Variants in ANKRD22 observed in about 807,000 individuals in gnomAD.
ANKRD22 encodes the protein ankyrin repeat domain-containing protein 22.
ANKRD22 carries 24 observed loss-of-function variants against 25.7 expected under a neutral mutation model. The ratio of observed to expected loss-of-function variants is 0.93; its 90% CI spans 0.68 to 1.31. The LOEUF (loss-of-function observed/expected upper bound fraction) is 1.31, where lower values mean the gene tolerates loss of function less well. Ranked by LOEUF, ANKRD22 falls within the 50% of genes most tolerant of loss-of-function variation. ANKRD22 has a pLI of 0.00. For synonymous variants in ANKRD22, 84 were observed against 84.3 expected, an observed-to-expected ratio of 1.00 and a Z score of 0.02; for missense variants, 214 against 227.1, an observed-to-expected ratio of 0.94 and a Z score of 0.37.
Position 88,851,828 on chromosome 10 carries a change from G to A in ANKRD22, c.-221C>T. 1 of 564,724 alleles carries A rather than the reference G, an allele frequency of 1.8e-6. No homozygotes were observed. Among genetic ancestry groups the A allele is most frequent in the South Asian group, 2.1e-5 (1 of 47,058 alleles). 35.0% of individuals were successfully genotyped at this position (564,724 alleles called of 1,614,324 possible). On this transcript the variant is annotated 5_prime_UTR_variant, in exon 1 of 6. Coordinates refer to ENST00000371930, the MANE Select transcript of ANKRD22 (RefSeq NM_144590.3). ...GAGAGCCCAGCCCAATGAAACAAAGGCACTGGTGTCATGTGTAACGACCCA... is the reference window on the plus strand; with the variant it reads ...GAGAGCCCAGCCCAATGAAACAAAGACACTGGTGTCATGTGTAACGACCCA...
chr10:88,843,816 T>C (rs1179124845), intron 1 of ANKRD22, among the ~76,000 whole-genome samples: 2 of 152,146 alleles, frequency 1.3e-5, no homozygotes, highest in African/African-American at 4.8e-5. Context: ...CTTACATTCT[T>C]GTAACTCTCA....
rs995773160 is a variant in ANKRD22 at position 88,822,647 on chromosome 10, A to G, written c.*294T>C. The G allele has an allele frequency of 5.1e-6, 1 of 195,006 alleles. No individual in the cohort carries two copies. Among genetic ancestry groups the G allele is most frequent in the East Asian group, 1.5e-4 (1 of 6,752 alleles). 12.1% of individuals were successfully genotyped at this position (195,006 alleles called of 1,614,324 possible). On this transcript the variant is annotated 3_prime_UTR_variant, in exon 6 of 6. Transcript: ENST00000371930. The stretch of plus-strand genomic sequence containing the variant: ...ATCCTCCCACCTCAGCCTCCCAAGT[A>G]GCTGGGATTACAGGCATGTACCACT...
At chr10:88,846,482 G>A (rs1398230035) in intron 1 of ANKRD22, among the ~76,000 whole-genome samples, 1 of 152,134 alleles carries the variant, frequency 6.6e-6, no homozygotes. Flanking sequence ...TGAAGAATAA[G>A]CATAAAAGTT....
intron 1 of ANKRD22, among the ~76,000 whole-genome samples, chr10:88,844,042 T>C (rs987815502): frequency 6.6e-6 from 1 of 152,132 alleles, no homozygotes. Context: ...AGAGAATACA[T>C]AAAGAATGAC....
intron 1 of ANKRD22, among the ~76,000 whole-genome samples, chr10:88,846,397 A>C (rs1265779504): frequency 6.6e-6 from 1 of 152,206 alleles, no homozygotes; most frequent in Non-Finnish European, 1.5e-5. Context: ...CACCATTCTC[A>C]CATGGCTAAA....
At chr10:88,845,813 C>T (rs952296875) in intron 1 of ANKRD22, among the ~76,000 whole-genome samples, 1 of 152,098 alleles carries the variant, frequency 6.6e-6, no homozygotes, top group African/African-American at 2.4e-5. Flanking sequence ...CCAGAGTGGC[C>T]TTTTTAAACC....
At chr10:88,834,068 A>G (rs1349321785) in intron 1 of ANKRD22, among the ~76,000 whole-genome samples, 1 of 152,194 alleles carries the variant, frequency 6.6e-6, no homozygotes, top group Non-Finnish European at 1.5e-5. Flanking sequence ...CAACCAACAA[A>G]TCTTCCACAT....
intron 1 of ANKRD22, among the ~76,000 whole-genome samples, chr10:88,848,058 T>G (rs1844067971): frequency 6.6e-6 from 1 of 151,750 alleles, no homozygotes; most frequent in Non-Finnish European, 1.5e-5. Flanking sequence ...GTAGGAAATT[T>G]TCTACTTGTT....
intron 1 of ANKRD22, among the ~76,000 whole-genome samples, chr10:88,848,933 A>G (rs1220858741): frequency 1.3e-5 from 2 of 152,048 alleles, no homozygotes; most frequent in African/African-American, 4.8e-5. Context: ...CTTTTTCTGT[A>G]GTAACATCAG....
chr10:88,820,536 T>C lies in ANKRD22; in HGVS notation c.*2405A>G. The C allele has an allele frequency of 1.3e-6, 2 of 1,535,430 alleles. No individual in the cohort carries two copies. Among genetic ancestry groups the C allele is most frequent in the South Asian group, 1.2e-5 (1 of 82,046 alleles). On this transcript the variant is annotated 3_prime_UTR_variant, in exon 6 of 6. Coordinates refer to ENST00000371930, the MANE Select transcript of ANKRD22 (RefSeq NM_144590.3). ...CACTGACGATCTTAGGACAACCTCCTGAGGGATGGGGCTAGGACCCATGAA... is the reference window on the plus strand; with the variant it reads ...CACTGACGATCTTAGGACAACCTCCCGAGGGATGGGGCTAGGACCCATGAA...
At chr10:88,825,956 A>AGCAACT (rs1843851787) in intron 4 of ANKRD22, 82 bp downstream of exon 4, 8 of 1,165,180 alleles carry the variant, frequency 6.9e-6, no homozygotes, top group Non-Finnish European at 8.5e-6. Context: ...AGGAAAATAA[A>AGCAACT]GCAACTGTAC....
In ANKRD22 at chr10:88,820,637, C is replaced by T. The variant is rs1254236817; in HGVS notation, c.*2304G>A. 1.1e-5 allele frequency: 9 copies of T among 811,754 alleles called. No homozygotes were observed. The highest frequency in any genetic ancestry group is 9.1e-5 in the Admixed American group (3 of 33,084). 50.3% of individuals were successfully genotyped at this position (811,754 alleles called of 1,614,324 possible). A position where few individuals can be genotyped will look rare whatever the true frequency, so the allele number is the denominator to read the frequency against. Reference sequence around the variant, plus strand: ...CACTTGGCACTAAATCCGACACTTACATTTACATTTTTTTTCTGTAAATTA... The same window carrying T: ...CACTTGGCACTAAATCCGACACTTATATTTACATTTTTTTTCTGTAAATTA... On this transcript the variant is annotated 3_prime_UTR_variant, in exon 6 of 6. Coordinates refer to ENST00000371930, the MANE Select transcript of ANKRD22 (RefSeq NM_144590.3).
intron 1 of ANKRD22, among the ~76,000 whole-genome samples, chr10:88,846,941 C>A (rs1844054521): frequency 6.6e-6 from 1 of 152,156 alleles, no homozygotes. Context: ...GATGTTTCGT[C>A]ACTACAAATA....
intron 1 of ANKRD22, among the ~76,000 whole-genome samples, chr10:88,844,986 A>G (rs555115920): frequency 2.0e-5 from 3 of 152,032 alleles, no homozygotes; most frequent in African/African-American, 7.2e-5. Context: ...CTTCTTAACA[A>G]TTATACATTC....
chr10:88,832,087 A>G lies in ANKRD22; in HGVS notation c.22-61T>C, dbSNP rs1164280999. 2.1e-6 allele frequency: 3 copies of G among 1,443,644 alleles called. No individual in the cohort carries two copies. The African/African-American group carries it at 4.3e-5, about 21-fold the overall frequency. 89.4% of individuals were successfully genotyped at this position (1,443,644 alleles called of 1,614,324 possible). A position where few individuals can be genotyped will look rare whatever the true frequency, so the allele number is the denominator to read the frequency against. ...CTGGCATAATTAAACCACAAAAACG[A>G]AAAAAAAGTCATAACCCAATACATT... On this transcript the variant is annotated intron_variant, in intron 1 of 5. Coordinates refer to ENST00000371930, the MANE Select transcript of ANKRD22 (RefSeq NM_144590.3).
intron 1 of ANKRD22, among the ~76,000 whole-genome samples, chr10:88,844,776 T>G (rs1844033186): frequency 6.6e-6 from 1 of 152,142 alleles, no homozygotes. Context: ...TGAAAATTAT[T>G]TGTTATTTCA....
intron 4 of ANKRD22, among the ~76,000 whole-genome samples, chr10:88,825,640 G>A (rs1242830064): frequency 6.6e-6 from 1 of 152,216 alleles, no homozygotes; most frequent in Non-Finnish European, 1.5e-5. Context: ...TTTTACCGAT[G>A]AGGACACTGA....
Position 88,822,543 on chromosome 10 carries a change from G to T in ANKRD22, c.*398C>A, listed in dbSNP as rs1308144301. ...GAAAGACTGAGTTTGGAACACCAGG[G>T]CTTTTTTTTTTTTTTTTTTTTTTGA... On this transcript the variant is annotated 3_prime_UTR_variant, in exon 6 of 6. Coordinates refer to ENST00000371930, the MANE Select transcript of ANKRD22 (RefSeq NM_144590.3). 5.1e-5 allele frequency: 1 copy of T among 19,724 alleles called. No individual in the cohort carries two copies. Among genetic ancestry groups the T allele is most frequent in the Non-Finnish European group, 8.0e-5 (1 of 12,578 alleles). The allele number at this position is 19,724 out of a possible 1,614,324, so 1.2% of individuals were successfully genotyped here.
intron 1 of ANKRD22, among the ~76,000 whole-genome samples, chr10:88,839,869 T>C (rs952482688): frequency 6.6e-6 from 1 of 152,130 alleles, no homozygotes; most frequent in Non-Finnish European, 1.5e-5. Flanking sequence ...ACCAACTTAA[T>C]GTTTAAAACA....
Sources: allele counts gnomAD v4.1 joint callset (sites outside exome capture counted in the v4.1 genomes callset), GRCh38; gene constraint gnomAD v4.1.1; transcripts MANE v1.5; gene names NCBI Gene and HGNC (gene_info 2026-07-23, HGNC 2026-07-21).